The following HPS1 variants were observed in gnomAD, a reference collection of about 807,000 sequenced individuals.
The protein encoded by HPS1 is HPS1 biogenesis of lysosomal organelles complex 3 subunit 1, also known as BLOC-3 complex member HPS1.
In HPS1, 59 loss-of-function variants were observed where a neutral mutation model predicts 90.6. That is an observed-to-expected ratio of 0.65 (90% CI 0.53 to 0.81). The LOEUF (loss-of-function observed/expected upper bound fraction) is 0.81, where lower values mean the gene tolerates loss of function less well. Ranked by LOEUF, HPS1 falls within the 30% of genes least tolerant of loss-of-function variation. The pLI, the probability that HPS1 is intolerant of heterozygous loss-of-function variation, is 0.00. For synonymous variants in HPS1, 388 were observed against 384.4 expected (o/e 1.01, Z -0.11); for missense variants, 849 against 896.7 (o/e 0.95, Z 0.68).
Position 98,422,410 on chromosome 10 carries a change from C to G in HPS1, c.1702G>C (p.Glu568Gln), listed in dbSNP as rs750105736. 1 of 1,614,094 alleles carries G rather than the reference C, an allele frequency of 6.2e-7. No homozygotes were observed. The highest frequency in any genetic ancestry group is 1.3e-5 in the African/African-American group (1 of 75,072). ...SLNCSQKTSS[E>Q]LGKGPLAAFV... Reference sequence around the variant, plus strand: ...GCAGCCAGCGGCCCCTTGCCCAACTCCGACGAGGTCTTTTGACTGCAGTTG... The same window carrying G: ...GCAGCCAGCGGCCCCTTGCCCAACTGCGACGAGGTCTTTTGACTGCAGTTG... The change falls in exon 17 of 20, where the codon GAG (glutamate) becomes CAG (glutamine). Residue 568 changes from glutamate to glutamine, a missense_variant. Physicochemically the swap from Glu to Gln is conservative, Grantham distance 29. Transcript: ENST00000361490.
intron 3 of HPS1, among the ~76,000 whole-genome samples, chr10:98,441,646 GC>G (rs1938439598): frequency 1.3e-5 from 2 of 152,048 alleles, no homozygotes; most frequent in Admixed American, 6.5e-5. Flanking sequence ...TATATTAGAA[GC>G]TCTCAAAACT....
Position 98,430,646 on chromosome 10 carries a change from C to G in HPS1, c.693G>C (p.Pro231=), listed in dbSNP as rs768048552. 6.4e-7 allele frequency: 1 copy of G among 1,554,604 alleles called. No homozygotes were observed. The highest frequency in any genetic ancestry group is 8.7e-7 in the Non-Finnish European group (1 of 1,148,544). The change falls in exon 8 of 20, where the codon CCG becomes CCC. Residue 231 remains proline, a synonymous_variant. Coordinates refer to ENST00000361490, the MANE Select transcript of HPS1 (RefSeq NM_000195.5). ...GGAGGATGAGGGCAAGCAGGTCGGCCGGGCGCAGGGAGCTGGCACTGTGGC... is the reference window on the plus strand; with the variant it reads ...GGAGGATGAGGGCAAGCAGGTCGGCGGGGCGCAGGGAGCTGGCACTGTGGC... ...YSSHSASSLR[P]ADLLALILLV...
intron 10 of HPS1, 118 bp from the exon 11 acceptor site, chr10:98,427,382 T>A: frequency 8.6e-6 from 7 of 812,440 alleles, no homozygotes; most frequent in Non-Finnish European, 1.4e-5. Flanking sequence ...GGCTGCCAGC[T>A]CCACGCAGGG....
At position 98,435,886 on chromosome 10, in the gene HPS1, G is replaced by A; in HGVS notation, c.118-114C>T. 7.4e-7 allele frequency: 1 copy of A among 1,352,398 alleles called. No individual in the cohort carries two copies. The highest frequency in any genetic ancestry group is 1.0e-6 in the Non-Finnish European group (1 of 961,600). 83.8% of individuals were successfully genotyped at this position (1,352,398 alleles called of 1,614,324 possible). A position where few individuals can be genotyped will look rare whatever the true frequency, so the allele number is the denominator to read the frequency against. On this transcript the variant is annotated intron_variant, in intron 3 of 19. Transcript: ENST00000361490. This position sits in a 1 kb window ranked among gnomAD's most constrained non-coding sequence, Gnocchi z 4.3. ...GTTCCATAGTGTTAGACCCTCCTGG[G>A]AGGGTATCACTGTCCTGGTAGGGAG... is the stretch of plus-strand genomic sequence containing the variant.
At chr10:98,441,261 AT>A (rs1227289867) in intron 3 of HPS1, among the ~76,000 whole-genome samples, 3 of 152,226 alleles carry the variant, frequency 2.0e-5, no homozygotes, top group African/African-American at 7.2e-5. Context: ...TAGAGTGGAA[AT>A]TATGTAAGTG....
chr10:98,435,887 A>C lies in HPS1; in HGVS notation c.118-115T>G. ...TTCCATAGTGTTAGACCCTCCTGGG[A>C]GGGTATCACTGTCCTGGTAGGGAGG... On this transcript the variant is annotated intron_variant, in intron 3 of 19. Transcript: ENST00000361490. The surrounding 1 kb of genome is among the most constrained non-coding windows in gnomAD (Gnocchi z 4.3). 1 of 1,331,792 alleles carries C rather than the reference A, an allele frequency of 7.5e-7. No individual in the cohort carries two copies. Among genetic ancestry groups the C allele is most frequent in the Non-Finnish European group, 1.1e-6 (1 of 944,294 alleles). 82.5% of individuals were successfully genotyped at this position (1,331,792 alleles called of 1,614,324 possible).
intron 14 of HPS1, 115 bp from the exon 15 acceptor site, chr10:98,424,002 C>T: frequency 7.1e-7 from 1 of 1,399,500 alleles, no homozygotes; most frequent in South Asian, 1.2e-5. Flanking sequence ...GCCCTTCCCC[C>T]TTGTGGACCA....
rs2296436 is a variant in HPS1 at position 98,420,094 on chromosome 10, T to A, written c.1808A>T (p.Gln603Leu). The A allele has an allele frequency of 1.9e-6, 3 of 1,613,858 alleles. No homozygotes were observed. The change falls in exon 18 of 20, where the codon CAG becomes CTG. Residue 603 changes from glutamine (Q) to leucine (L), a missense_variant. By Grantham distance (113) the Gln-to-Leu change is moderately radical. Coordinates refer to ENST00000361490, the MANE Select transcript of HPS1 (RefSeq NM_000195.5). ...LQKGYTTLLFQEGDFYCSYFL... is the reference protein window; with the variant it reads ...LQKGYTTLLFLEGDFYCSYFL... ...GTAGGAGCAGTAGAAATCCCCCTCC[T>A]GGAACAGCAGCGTGGTGTAGCCCTT... is the stretch of plus-strand genomic sequence containing the variant.
At chr10:98,414,050 G>A (rs188509734), downstream of HPS1, 9 of 151,640 alleles carry the variant, frequency 5.9e-5, no homozygotes, top group East Asian at 3.9e-4. Flanking sequence ...ATATATGTAC[G>A]TAACACATAT....
At chr10:98,443,814 CCT>C (rs1405996484) in intron 2 of HPS1, among the ~76,000 whole-genome samples, 1 of 152,158 alleles carries the variant, frequency 6.6e-6, no homozygotes, top group East Asian at 1.9e-4. Flanking sequence ...GGGTGGATCA[CCT>C]GAAGTCAGGA....
At chr10:98,422,979 C>T (rs1055586524) in intron 16 of HPS1, among the ~76,000 whole-genome samples, 2 of 152,210 alleles carry the variant, frequency 1.3e-5, no homozygotes, top group African/African-American at 4.8e-5. Context: ...AGGGCAGCAG[C>T]TGGTGGCTAA....
At chr10:98,426,940 T>G (rs1845687337) in intron 11 of HPS1, among the ~76,000 whole-genome samples, 1 of 152,174 alleles carries the variant, frequency 6.6e-6, no homozygotes, top group South Asian at 2.1e-4. Flanking sequence ...AAAAAAATTC[T>G]ATTGGACTTT....
At chr10:98,427,176 A>G in intron 11 of HPS1, 39 bp downstream of exon 11, 4 of 1,521,344 alleles carry the variant, frequency 2.6e-6, no homozygotes, top group Non-Finnish European at 3.6e-6. Flanking sequence ...GCGGCATCTC[A>G]GATCAGCTGG....
Position 98,430,609 on chromosome 10 carries a change from G to C in HPS1, c.730C>G (p.Leu244Val). The change falls in exon 8 of 20, where the codon CTC becomes GTC. Residue 244 changes from leucine to valine, a missense_variant. Coordinates refer to ENST00000361490, the MANE Select transcript of HPS1 (RefSeq NM_000195.5). ...TCTGCTGTGCTCTCGCTGGGGTAGA[G>C]GTCCTGAACCAGGAGGATGAGGGCA... ...LLALILLVQD[L>V]YPSESTAEDD... is the part of the protein sequence containing the mutation. 6.4e-7 allele frequency: 1 copy of C among 1,556,108 alleles called. No homozygotes were observed. The highest frequency in any genetic ancestry group is 8.7e-7 in the Non-Finnish European group (1 of 1,149,146).
In HPS1 at chr10:98,417,475, T is replaced by C; in HGVS notation, c.*89A>G. On this transcript the variant is annotated 3_prime_UTR_variant, in exon 20 of 20. Transcript: ENST00000361490. The surrounding 1 kb of genome is among the most constrained non-coding windows in gnomAD (Gnocchi z 4.2). ...TCTGCCCTATCCTCAGGATGGCCAC[T>C]GCAGACAGGAGGCTCTCGTCATGGG... is the stretch of plus-strand genomic sequence containing the variant. 8.0e-7 allele frequency: 1 copy of C among 1,249,988 alleles called. No homozygotes were observed. The highest frequency in any genetic ancestry group is 1.1e-6 in the Non-Finnish European group (1 of 893,216). 77.4% of individuals were successfully genotyped at this position (1,249,988 alleles called of 1,614,324 possible).
chr10:98,431,511 A>C (rs778609859), intron 6 of HPS1, among the ~76,000 whole-genome samples: 5 of 152,266 alleles, frequency 3.3e-5, no homozygotes, highest in Non-Finnish European at 7.3e-5. Context: ...TACACAAGGA[A>C]ATAAAGTAAG....
intron 11 of HPS1, chr10:98,426,192 A>G: frequency 3.5e-6 from 2 of 575,732 alleles, no homozygotes; most frequent in Non-Finnish European, 6.2e-6. Flanking sequence ...CTTTCTGCCC[A>G]GAGTCTGGCC....
Position 98,435,764 on chromosome 10 carries a change from G to A in HPS1, c.126C>T (p.Ala42=), listed in dbSNP as rs559814921. The change falls in exon 4 of 20, where the codon GCC becomes GCT. Residue 42 remains alanine, a synonymous_variant. Coordinates refer to ENST00000361490, the MANE Select transcript of HPS1 (RefSeq NM_000195.5). This position sits in a 1 kb window ranked among gnomAD's most constrained non-coding sequence, Gnocchi z 4.3. ...GGAGGGTGCTGAGCTGGTCCTCCAG[G>A]GCAGGGAGCTGCAAAAATGGGGGAA... ...QSENEEEELP[A]LEDQLSTLLA... 4 of 1,614,198 alleles carry A rather than the reference G, an allele frequency of 2.5e-6. No individual in the cohort carries two copies. In the African/African-American group the frequency reaches 5.3e-5, roughly 22 times the overall value.
chr10:98,426,108 T>G, intron 11 of HPS1, 123 bp from the exon 12 acceptor site: 1 of 856,704 alleles, frequency 1.2e-6, no homozygotes. Flanking sequence ...AGTTTTTAAA[T>G]TCCTGCACTC....
Sources: allele counts gnomAD v4.1 joint callset (sites outside exome capture counted in the v4.1 genomes callset), GRCh38; gene constraint gnomAD v4.1.1; non-coding constraint Gnocchi (gnomAD v3.1); transcripts MANE v1.5; gene names NCBI Gene and HGNC (gene_info 2026-07-23, HGNC 2026-07-21).